The following PLXDC2 variants were observed in gnomAD, a reference collection of about 807,000 sequenced individuals.
PLXDC2 encodes plexin domain containing 2, also known as plexin domain-containing protein 2.
A neutral mutation model predicts 68.9 loss-of-function variants in PLXDC2; 40 were observed. That is an observed-to-expected ratio of 0.58 (90% confidence interval 0.45 to 0.76). The LOEUF (loss-of-function observed/expected upper bound fraction) is 0.76. Among genes scored for constraint, PLXDC2 ranks in the 30% least tolerant of loss-of-function variants. PLXDC2 has a pLI of 0.00. For synonymous variants in PLXDC2, 243 were observed against 234.2 expected (o/e 1.04, Z -0.34); for missense variants, 644 against 661.9 (o/e 0.97, Z 0.30).
Position 20,191,943 on chromosome 10 carries a change from A to G in PLXDC2, c.1061+14534A>G, listed in dbSNP as rs141241227. Among the ~76,000 whole-genome samples, 16 of 152,090 alleles carry G rather than the reference A, an allele frequency of 1.1e-4. No homozygotes were observed. In the East Asian group the frequency reaches 3.1e-3, roughly 29 times the overall value. On this transcript the variant is annotated intron_variant, in intron 9 of 13. Coordinates refer to ENST00000377252, the MANE Select transcript of PLXDC2 (RefSeq NM_032812.9). ...TTATAATAGCTACCTTTTATTTTGT[A>G]TTTACTATGTGCCACACATTCCATG...
rs112253446 is a variant in PLXDC2, at chr10:20,250,158, C to T, written c.1473+4653C>T. Among the ~76,000 whole-genome samples the T allele has an allele frequency of 5.2e-3, 787 of 151,488 alleles. 7 individuals carry two copies. The highest frequency in any genetic ancestry group is 0.018 in the African/African-American group (741 of 41,250). ...TGGTACGTGCCTGTAATCCCAGGTA[C>T]TCGGGAGGCTGAGGCAGGAAAATCA... On this transcript the variant is annotated intron_variant, in intron 13 of 13. Coordinates refer to ENST00000377252, the MANE Select transcript of PLXDC2 (RefSeq NM_032812.9).
chr10:20,236,536 A>G (rs1201549339), intron 12 of PLXDC2, among the ~76,000 whole-genome samples: 2 of 152,204 alleles, frequency 1.3e-5, no homozygotes, highest in South Asian at 2.1e-4. Flanking sequence ...GGAAAAGTTT[A>G]AAAGTTAGAT....
In PLXDC2 at chr10:19,976,627, G is replaced by A. The variant is rs1278732479; in HGVS notation, c.113-25148G>A. Among the ~76,000 whole-genome samples, 9 of 152,184 alleles carry A rather than the reference G, an allele frequency of 5.9e-5. No homozygotes were observed. The East Asian group carries it at 1.7e-3, about 29-fold the overall frequency. ...TTTCATGATGATGTGCCCAGATGTG[G>A]GTATAATTCTTTCATTGCAGAGCAC... On this transcript the variant is annotated intron_variant, in intron 1 of 13. Transcript: ENST00000377252.
At chr10:20,003,821 A>G (rs1834981023) in intron 2 of PLXDC2, among the ~76,000 whole-genome samples, 1 of 152,146 alleles carries the variant, frequency 6.6e-6, no homozygotes, top group Admixed American at 6.5e-5. Flanking sequence ...AGAAATAGAG[A>G]AGCTCTCAGT....
At chr10:19,974,248 C>A (rs1834411531) in intron 1 of PLXDC2, among the ~76,000 whole-genome samples, 1 of 152,290 alleles carries the variant, frequency 6.6e-6, no homozygotes, top group South Asian at 2.1e-4. Flanking sequence ...AGGTAAGTGG[C>A]CAATTTCTCA....
At chr10:20,154,784 GT>G (rs1834196987) in intron 6 of PLXDC2, among the ~76,000 whole-genome samples, 1 of 151,764 alleles carries the variant, frequency 6.6e-6, no homozygotes, top group Non-Finnish European at 1.5e-5. Flanking sequence ...GCAAACTCGG[GT>G]TCTTTTTTTT....
chr10:20,013,949 A>G (rs551022953), intron 2 of PLXDC2, among the ~76,000 whole-genome samples: 1 of 152,326 alleles, frequency 6.6e-6, no homozygotes, highest in East Asian at 1.9e-4. Flanking sequence ...GGAAACAACT[A>G]TGAATAAATA....
At chr10:20,168,469 C>T (rs1383646945) in intron 7 of PLXDC2, among the ~76,000 whole-genome samples, 1 of 152,108 alleles carries the variant, frequency 6.6e-6, no homozygotes, top group Non-Finnish European at 1.5e-5. Flanking sequence ...ACAGGAGATT[C>T]CCACTAAGAA....
At chr10:20,068,262 A>G in intron 4 of PLXDC2, 23 bp downstream of exon 4, 1 of 1,560,880 alleles carries the variant, frequency 6.4e-7, no homozygotes, top group East Asian at 2.2e-5. Flanking sequence ...CTACCCATTC[A>G]CCTTAAGTAA....
Position 20,055,998 on chromosome 10 carries a change from A to C in PLXDC2, c.471+8983A>C, listed in dbSNP as rs533919271. Among the ~76,000 whole-genome samples, 8 of 152,218 alleles carry C rather than the reference A, an allele frequency of 5.3e-5. No homozygotes were observed. In the East Asian group the frequency reaches 1.4e-3, roughly 26 times the overall value. On this transcript the variant is annotated intron_variant, in intron 3 of 13. Transcript: ENST00000377252. ...TTAATTTGTTTAAAAAATAGTAGGGATTCAAAAGCATAGGATTTGGCATCA... is the reference window on the plus strand; with the variant it reads ...TTAATTTGTTTAAAAAATAGTAGGGCTTCAAAAGCATAGGATTTGGCATCA...
At chr10:20,166,088 A>G (rs1206077883) in intron 7 of PLXDC2, among the ~76,000 whole-genome samples, 1 of 152,160 alleles carries the variant, frequency 6.6e-6, no homozygotes. Flanking sequence ...TAGATAATTT[A>G]TCACATGCTC....
rs1349967133 is a variant in PLXDC2, at chr10:20,171,989, G to T, written c.884-5010G>T. Among the ~76,000 whole-genome samples, 4 of 151,848 alleles carry T rather than the reference G, an allele frequency of 2.6e-5. No individual in the cohort carries two copies. The South Asian group carries it at 6.2e-4, about 24-fold the overall frequency. On this transcript the variant is annotated intron_variant, in intron 7 of 13. Coordinates refer to ENST00000377252, the MANE Select transcript of PLXDC2 (RefSeq NM_032812.9). ...GTTTGGGGATGAGAAATTACTTATT[G>T]GGTACAATGTACACTATTTGGGTGA...
At chr10:20,201,588 A>G (rs1444622909) in intron 9 of PLXDC2, among the ~76,000 whole-genome samples, 1 of 152,046 alleles carries the variant, frequency 6.6e-6, no homozygotes, top group African/African-American at 2.4e-5. Context: ...TGTAGTTAAC[A>G]ATACTATATA....
At chr10:19,864,226 G>T (rs1211538228) in intron 1 of PLXDC2, among the ~76,000 whole-genome samples, 1 of 152,108 alleles carries the variant, frequency 6.6e-6, no homozygotes, top group East Asian at 1.9e-4. Flanking sequence ...GGCTGATCTG[G>T]AACTCTTGGC....
chr10:20,114,368 T>C (rs551700689), intron 4 of PLXDC2, among the ~76,000 whole-genome samples: 18 of 152,304 alleles, frequency 1.2e-4, no homozygotes, highest in African/African-American at 3.6e-4. Context: ...ACTTTAAACA[T>C]ACTAAGCAGT....
chr10:20,136,581 A>G (rs962653463), intron 4 of PLXDC2, among the ~76,000 whole-genome samples: 1 of 152,198 alleles, frequency 6.6e-6, no homozygotes, highest in Non-Finnish European at 1.5e-5. Context: ...TTAGTGAGAG[A>G]TCACGATGAG....
At chr10:20,264,445 T>C (rs1387439220) in intron 13 of PLXDC2, among the ~76,000 whole-genome samples, 1 of 152,128 alleles carries the variant, frequency 6.6e-6, no homozygotes, top group Non-Finnish European at 1.5e-5. Context: ...AACTTTCACA[T>C]GTACCCCCAA....
At chr10:20,002,139 A>G (rs1040912088) in intron 2 of PLXDC2, among the ~76,000 whole-genome samples, 153 bp downstream of exon 2, 7 of 152,178 alleles carry the variant, frequency 4.6e-5, no homozygotes, top group African/African-American at 1.4e-4. Context: ...AAATATAATA[A>G]CTAAGCCACT....
At chr10:20,049,402 T>C (rs910630069) in intron 3 of PLXDC2, among the ~76,000 whole-genome samples, 2 of 151,858 alleles carry the variant, frequency 1.3e-5, no homozygotes, top group Non-Finnish European at 2.9e-5. Flanking sequence ...TCCAAATAGG[T>C]AGAGAGGAAG....
Sources: gnomAD v4.1 joint callset for allele counts (sites outside exome capture counted in the v4.1 genomes callset) on GRCh38, gnomAD v4.1.1 for gene constraint, MANE v1.5 for transcripts, NCBI Gene and HGNC (gene_info 2026-07-23, HGNC 2026-07-21) for gene names.